The following SPIDR variants were observed in gnomAD, a reference collection of about 807,000 sequenced individuals.
The protein encoded by SPIDR is scaffold protein involved in DNA repair.
Under a neutral mutation model 104.6 loss-of-function variants are expected in SPIDR, and 93 were observed. That is an observed-to-expected ratio of 0.89 (90% confidence interval 0.75 to 1.06). The LOEUF is 1.06. Ranked by LOEUF, SPIDR falls within the 50% of genes least tolerant of loss-of-function variation. The pLI is 0.00. For synonymous variants in SPIDR, 431 were observed against 416.9 expected, an observed-to-expected ratio of 1.03 and a Z score of -0.41; for missense variants, 1,154 against 1,111.2, an observed-to-expected ratio of 1.04 and a Z score of -0.55.
rs573026908 is a variant in SPIDR at position 47,412,264 on chromosome 8, A to G, written c.877+4303A>G. Among the ~76,000 whole-genome samples, 40 of 152,314 alleles carry G rather than the reference A, an allele frequency of 2.6e-4. No homozygotes were observed. In the South Asian group the frequency reaches 7.7e-3, roughly 29 times the overall value. ...CTTGGACAGTATGGCCATTTTCACA[A>G]TATTGATTCTTCCTACCCATGAGCA... On this transcript the variant is annotated intron_variant, in intron 7 of 19. Transcript: ENST00000297423.
intron 11 of SPIDR, among the ~76,000 whole-genome samples, chr8:47,679,544 C>G (rs1027671105): frequency 6.6e-6 from 1 of 151,048 alleles, no homozygotes; most frequent in Non-Finnish European, 1.5e-5. Context: ...GCCCACTTCC[C>G]CCATCCCCTC....
chr8:47,484,257 T>C (rs1333098930), intron 8 of SPIDR, among the ~76,000 whole-genome samples: 2 of 152,232 alleles, frequency 1.3e-5, no homozygotes, highest in Non-Finnish European at 2.9e-5. Context: ...GCAATGAAAA[T>C]AGTAACTTTT....
At chr8:47,699,539 CTA>C (rs1410512163) in intron 11 of SPIDR, among the ~76,000 whole-genome samples, 2 of 152,044 alleles carry the variant, frequency 1.3e-5, no homozygotes, top group East Asian at 3.8e-4. Context: ...TTGTGTCCCT[CTA>C]TATATTTTAC....
chr8:47,413,373 G>T (rs2063794692), intron 7 of SPIDR, among the ~76,000 whole-genome samples: 1 of 152,240 alleles, frequency 6.6e-6, no homozygotes. Context: ...TCTAGCCAAG[G>T]AAGAGACAGG....
At chr8:47,352,471 GA>G (rs1298642325) in intron 5 of SPIDR, among the ~76,000 whole-genome samples, 9 of 152,110 alleles carry the variant, frequency 5.9e-5, no homozygotes, top group Non-Finnish European at 5.9e-5. Flanking sequence ...TAAATGTGGT[GA>G]AAAATTAAGA....
intron 8 of SPIDR, among the ~76,000 whole-genome samples, chr8:47,564,125 C>T (rs2057461500): frequency 7.7e-6 from 1 of 129,522 alleles, no homozygotes; most frequent in Non-Finnish European, 1.5e-5. Context: ...TGTCACCAGG[C>T]TGGAGTGCAG....
intron 7 of SPIDR, among the ~76,000 whole-genome samples, chr8:47,421,904 C>T: frequency 6.6e-6 from 1 of 152,214 alleles, no homozygotes; most frequent in East Asian, 1.9e-4. Context: ...TGGGTATCAG[C>T]AGCGGAGGCT....
chr8:47,391,728 G>A (rs2060599248), intron 5 of SPIDR, among the ~76,000 whole-genome samples: 1 of 151,712 alleles, frequency 6.6e-6, no homozygotes, highest in South Asian at 2.1e-4. Flanking sequence ...CGGGCGTGGT[G>A]GCTCACGCCT....
At chr8:47,267,523 A>G (rs1414834253) in intron 1 of SPIDR, among the ~76,000 whole-genome samples, 1 of 152,180 alleles carries the variant, frequency 6.6e-6, no homozygotes, top group African/African-American at 2.4e-5. Context: ...AACACTTGCC[A>G]TTGCCTGTCT....
chr8:47,434,812 A>G (rs1489320347), intron 7 of SPIDR, among the ~76,000 whole-genome samples: 1 of 152,150 alleles, frequency 6.6e-6, no homozygotes, highest in African/African-American at 2.4e-5. Flanking sequence ...ATATTAATTC[A>G]ATATAACCTA....
intron 8 of SPIDR, among the ~76,000 whole-genome samples, chr8:47,573,133 T>C (rs2058714606): frequency 6.6e-6 from 1 of 152,198 alleles, no homozygotes; most frequent in Admixed American, 6.5e-5. Context: ...TTGTCTAAAT[T>C]ATAAATCAGA....
At chr8:47,513,934 T>C (rs1262327716) in intron 8 of SPIDR, among the ~76,000 whole-genome samples, 1 of 152,186 alleles carries the variant, frequency 6.6e-6, no homozygotes, top group African/African-American at 2.4e-5. Flanking sequence ...TCTCTCTGCC[T>C]CTTGCCCACA....
chr8:47,521,299 C>T (rs79460130), intron 8 of SPIDR, among the ~76,000 whole-genome samples: 125 of 152,262 alleles, frequency 8.2e-4, no homozygotes, highest in African/African-American at 2.7e-3. Context: ...TTACTGCTTT[C>T]TCCTTAAGAG....
Position 47,647,641 on chromosome 8 carries a change from AGAGAGAGAGAGAGG to A in SPIDR, c.1545-26138_1545-26125del, listed in dbSNP as rs1204737948. On this transcript the variant is annotated intron_variant, in intron 10 of 19. Transcript: ENST00000297423. ...AAGAGAGAGAGAGAGAGAGAGAGAG[AGAGAGAGAGAGAGG>A]GAGAGAGAGAGAGGGAGAGAGGGAG... Among the ~76,000 whole-genome samples the A allele has an allele frequency of 4.1e-5, 6 of 144,936 alleles. 1 individual carries two copies. Among genetic ancestry groups the A allele is most frequent in the African/African-American group, 1.3e-4 (5 of 37,852 alleles).
chr8:47,612,907 A>G (rs1227880498), intron 10 of SPIDR, among the ~76,000 whole-genome samples: 1 of 152,236 alleles, frequency 6.6e-6, no homozygotes, highest in African/African-American at 2.4e-5. Flanking sequence ...GCCACGGAGG[A>G]AATGGATGCT....
chr8:47,346,085 A>T (rs921529372), intron 5 of SPIDR, among the ~76,000 whole-genome samples: 2 of 152,230 alleles, frequency 1.3e-5, no homozygotes, highest in Non-Finnish European at 2.9e-5. Context: ...ATTCAGCATG[A>T]CATTGGCTGT....
chr8:47,427,646 AC>A (rs542067558), intron 7 of SPIDR, among the ~76,000 whole-genome samples: 4 of 152,170 alleles, frequency 2.6e-5, no homozygotes, highest in Admixed American at 1.3e-4. Flanking sequence ...GTCTCTGTGC[AC>A]CAGATGCAGG....
chr8:47,732,430 T>C (rs1179731719), intron 19 of SPIDR: 8 of 539,642 alleles, frequency 1.5e-5, no homozygotes, highest in East Asian at 3.2e-5. Flanking sequence ...TGTGTGTGCA[T>C]TGGGTGAGGG....
At chr8:47,567,298 C>T (rs966020140) in intron 8 of SPIDR, among the ~76,000 whole-genome samples, 4 of 151,934 alleles carry the variant, frequency 2.6e-5, no homozygotes, top group African/African-American at 4.8e-5. Flanking sequence ...CGGCTCACCG[C>T]AACCTCTGCC....
Sources: allele counts gnomAD v4.1 joint callset (sites outside exome capture counted in the v4.1 genomes callset), GRCh38; gene constraint gnomAD v4.1.1; transcripts MANE v1.5; gene names NCBI Gene and HGNC (gene_info 2026-07-23, HGNC 2026-07-21).